Variants in NQO2 observed in about 807,000 individuals in gnomAD.
NQO2 encodes N-ribosyldihydronicotinamide:quinone dehydrogenase 2, also known as ribosyldihydronicotinamide dehydrogenase [quinone].
NQO2 carries 18 observed loss-of-function variants against 22.0 expected under a neutral mutation model. The ratio of observed to expected loss-of-function variants is 0.82; its 90% CI spans 0.56 to 1.21. The LOEUF is 1.21. NQO2 is among the 50% of genes most tolerant of loss of function. The pLI is 0.00. For missense variants in NQO2, 267 were observed against 286.9 expected, an observed-to-expected ratio of 0.93 and a Z score of 0.50; for synonymous variants, 106 against 110.8, an observed-to-expected ratio of 0.96 and a Z score of 0.28.
chr6:3,018,214 A>G (rs1055850001), intron 6 of NQO2, among the ~76,000 whole-genome samples: 2 of 152,198 alleles, frequency 1.3e-5, no homozygotes, highest in Non-Finnish European at 2.9e-5. Context: ...TAATAAAGTC[A>G]TGTTGTCTGA....
chr6:3,017,941 G>A lies in NQO2; in HGVS notation c.519+956G>A, dbSNP rs74838669. Among the ~76,000 whole-genome samples, 1,142 of 152,176 alleles carry A rather than the reference G, an allele frequency of 7.5e-3. 14 individuals carry two copies. The highest frequency in any genetic ancestry group is 0.026 in the African/African-American group (1,061 of 41,498). On this transcript the variant is annotated intron_variant, in intron 6 of 6. Coordinates refer to ENST00000380455, the MANE Select transcript of NQO2 (RefSeq NM_000904.6). The stretch of plus-strand genomic sequence containing the variant: ...ATTTTTTAATTTTCTATTTGTCAGT[G>A]CTCTTCATATATCAGAGAAATTAAT...
At chr6:3,007,229 C>G (rs1561712039) in intron 2 of NQO2, among the ~76,000 whole-genome samples, 1 of 152,130 alleles carries the variant, frequency 6.6e-6, no homozygotes, top group Non-Finnish European at 1.5e-5. Flanking sequence ...ATGCCAGTAG[C>G]ACCCCTCCCC....
chr6:3,015,193 C>T, intron 4 of NQO2: 1 of 1,339,542 alleles, frequency 7.5e-7, no homozygotes, highest in South Asian at 1.2e-5. Flanking sequence ...TTTCCATACT[C>T]TTCCTTTTGA....
chr6:3,013,595 C>G (rs190139148), intron 4 of NQO2, among the ~76,000 whole-genome samples: 1 of 152,208 alleles, frequency 6.6e-6, no homozygotes, highest in African/African-American at 2.4e-5. Context: ...GTTGCTTCAC[C>G]CCCAGCCCAG....
chr6:3,010,840 A>G (rs1488818469), intron 3 of NQO2, among the ~76,000 whole-genome samples: 1 of 152,120 alleles, frequency 6.6e-6, no homozygotes, highest in African/African-American at 2.4e-5. Flanking sequence ...TCCCCTTTGG[A>G]ACCTCTCATA....
intron 4 of NQO2, among the ~76,000 whole-genome samples, chr6:3,013,137 A>C (rs546203642): frequency 4.0e-5 from 6 of 151,310 alleles, no homozygotes; most frequent in East Asian, 1.9e-4. Context: ...TTGTATTTTT[A>C]GTAGAGACCG....
rs768974285 is a variant in NQO2 at position 3,017,002 on chromosome 6, T to C, written c.519+17T>C. 2 of 1,611,806 alleles carry C rather than the reference T, an allele frequency of 1.2e-6. No individual in the cohort carries two copies. The highest frequency in any genetic ancestry group is 2.2e-5 in the South Asian group (2 of 90,866). ...CCACTCCAGGTAGACCAGCTGCGAG[T>C]GGCTCCCTTGCTTGTTGGCACACGC... On this transcript the variant is annotated intron_variant, in intron 6 of 6. Coordinates refer to ENST00000380455, the MANE Select transcript of NQO2 (RefSeq NM_000904.6).
chr6:3,018,796 T>C (rs57563768), intron 6 of NQO2, among the ~76,000 whole-genome samples: 19,872 of 151,930 alleles, frequency 0.13, 2,228 homozygotes, highest in African/African-American at 0.31. Context: ...TTATGTGTCA[T>C]TAGCCAAGTT....
intron 5 of NQO2, 129 bp from the exon 6 acceptor site, chr6:3,016,755 T>A (rs1757340105): frequency 1.4e-6 from 2 of 1,477,942 alleles, no homozygotes; most frequent in Non-Finnish European, 1.8e-6. Context: ...GTGTTGCATT[T>A]GTCCATCCCT....
Position 3,016,879 on chromosome 6 carries a change from T to C in NQO2, c.418-5T>C, listed in dbSNP as rs764402629. The C allele has an allele frequency of 2.5e-6, 4 of 1,613,308 alleles. No homozygotes were observed. The African/African-American group carries it at 5.3e-5, about 22-fold the overall frequency. ...ACACAAATGCATCTGCTTTCTCCCT[T>C]GCAGGGTAAACTAGCGCTCCTTTCC... On this transcript the variant is annotated splice_polypyrimidine_tract_variant and splice_region_variant and intron_variant, in intron 5 of 6. Transcript: ENST00000380455.
At chr6:3,009,713 C>T (rs775309193) in intron 2 of NQO2, among the ~76,000 whole-genome samples, 18 of 152,166 alleles carry the variant, frequency 1.2e-4, no homozygotes, top group East Asian at 3.9e-4. Context: ...TTGCTCCATT[C>T]GGGGTCCCTG....
At chr6:3,015,269 C>T in intron 4 of NQO2, 3 of 1,439,744 alleles carry the variant, frequency 2.1e-6, no homozygotes, top group Non-Finnish European at 2.8e-6. Flanking sequence ...CCCTCCCTGC[C>T]TGCCCAGGGC....
rs1323268104 is a variant in NQO2 at position 3,012,528 on chromosome 6, G to T, written c.173-16G>T. ...GCCCACCTAGGAGTGAGAATGTTTG[G>T]CCTCTTCCCCGACAGGTACTCTTTC... On this transcript the variant is annotated splice_polypyrimidine_tract_variant and intron_variant, in intron 3 of 6. Coordinates refer to ENST00000380455, the MANE Select transcript of NQO2 (RefSeq NM_000904.6). The T allele has an allele frequency of 7.4e-6, 12 of 1,613,910 alleles. No homozygotes were observed. The highest frequency in any genetic ancestry group is 7.6e-6 in the Non-Finnish European group (9 of 1,179,896).
chr6:3,007,482 G>A (rs1303387782), intron 2 of NQO2, among the ~76,000 whole-genome samples: 3 of 152,222 alleles, frequency 2.0e-5, no homozygotes, highest in Middle Eastern at 3.2e-3. Context: ...GAAACCCATT[G>A]CTTCAAACTG....
chr6:3,005,565 T>C, intron 1 of NQO2: 3 of 783,070 alleles, frequency 3.8e-6, no homozygotes, highest in Non-Finnish European at 4.6e-6. Flanking sequence ...ACAAGCCTTC[T>C]GCCCATTTTT....
At chr6:3,018,658 T>C (rs941246077) in intron 6 of NQO2, among the ~76,000 whole-genome samples, 6 of 152,114 alleles carry the variant, frequency 3.9e-5, no homozygotes, top group African/African-American at 1.4e-4. Context: ...GGATTGAGTG[T>C]GACATTTTTA....
At chr6:3,008,083 A>T (rs762874761) in intron 2 of NQO2, among the ~76,000 whole-genome samples, 23 of 152,352 alleles carry the variant, frequency 1.5e-4, no homozygotes, top group Admixed American at 9.1e-4. Flanking sequence ...CTGGATTTTT[A>T]AAATGCCCAT....
chr6:3,019,310 T>C (rs528561465), intron 6 of NQO2, 169 bp from the exon 7 acceptor site: 2 of 976,274 alleles, frequency 2.0e-6, no homozygotes, highest in South Asian at 9.5e-5. Context: ...TGCAAGGCTG[T>C]GTCCTAAAGC....
chr6:3,017,023 C>T, intron 6 of NQO2, 38 bp downstream of exon 6: 1 of 1,604,242 alleles, frequency 6.2e-7, no homozygotes, highest in Non-Finnish European at 8.5e-7. Flanking sequence ...CTTGTTGGCA[C>T]ACGCACACAC....
Sources: gnomAD v4.1 joint callset for allele counts (sites outside exome capture counted in the v4.1 genomes callset) on GRCh38, gnomAD v4.1.1 for gene constraint, MANE v1.5 for transcripts, NCBI Gene and HGNC (gene_info 2026-07-23, HGNC 2026-07-21) for gene names.